Variants in CFAP251 observed in about 807,000 individuals in gnomAD.
CFAP251 encodes the protein cilia and flagella associated protein 251, also known as cilia- and flagella-associated protein 251.
CFAP251 carries 93 observed loss-of-function variants against 126.7 expected under a neutral mutation model. The observed-to-expected ratio is 0.73, with a 90% confidence interval of 0.62 to 0.87. The LOEUF (loss-of-function observed/expected upper bound fraction) is 0.87. CFAP251 is among the 40% of genes least tolerant of loss of function. The probability of loss-of-function intolerance (pLI) is 0.00; values close to 1 mark genes in which losing one functional copy is unlikely to be tolerated. For synonymous variants in CFAP251, 503 were observed against 506.9 expected, an observed-to-expected ratio of 0.99 and a Z score of 0.10; for missense variants, 1,287 against 1,389.2, an observed-to-expected ratio of 0.93 and a Z score of 1.17.
intron 5 of CFAP251, among the ~76,000 whole-genome samples, chr12:121,934,611 C>T (rs1346371101): frequency 5.3e-5 from 8 of 152,204 alleles, no homozygotes; most frequent in Admixed American, 5.2e-4. Context: ...GTCATGCTGC[C>T]TCTTCTGGGC....
chr12:121,935,824 T>A (rs1161467316), intron 5 of CFAP251, among the ~76,000 whole-genome samples: 2 of 152,200 alleles, frequency 1.3e-5, no homozygotes, highest in African/African-American at 4.8e-5. Context: ...TTGTGTTCCC[T>A]CCTTGTATCT....
intron 19 of CFAP251, among the ~76,000 whole-genome samples, chr12:121,976,160 C>G (rs1420131405): frequency 6.6e-6 from 1 of 152,042 alleles, no homozygotes; most frequent in African/African-American, 2.4e-5. Flanking sequence ...AGACACCCAC[C>G]ACCACGCCCC....
At chr12:121,924,309 C>T (rs190973489) in intron 3 of CFAP251, among the ~76,000 whole-genome samples, 11 of 151,854 alleles carry the variant, frequency 7.2e-5, no homozygotes, top group African/African-American at 2.7e-4. Context: ...GGCGTCTCGC[C>T]ACGCCATGTT....
At chr12:121,986,502 C>T (rs1882751091) in intron 19 of CFAP251, among the ~76,000 whole-genome samples, 1 of 149,074 alleles carries the variant, frequency 6.7e-6, no homozygotes, top group South Asian at 2.1e-4. Flanking sequence ...GGGGTTTCAC[C>T]GTCTCTACAG....
chr12:122,002,350 C>T (rs183091350), intron 21 of CFAP251, among the ~76,000 whole-genome samples: 143 of 152,152 alleles, frequency 9.4e-4, no homozygotes, highest in Middle Eastern at 3.4e-3. Context: ...AGCAAAACTC[C>T]GTCTCTAAAT....
intron 3 of CFAP251, 144 bp downstream of exon 3, chr12:121,924,134 C>T (rs1350878164): frequency 3.6e-6 from 4 of 1,113,410 alleles, no homozygotes; most frequent in Non-Finnish European, 4.9e-6. Flanking sequence ...TTTTTTAAGA[C>T]AGTCTTGCTT....
At chr12:121,938,250 G>A (rs771484202) in intron 5 of CFAP251, among the ~76,000 whole-genome samples, 3 of 151,398 alleles carry the variant, frequency 2.0e-5, no homozygotes, top group African/African-American at 4.9e-5. Flanking sequence ...CAAGTGATCC[G>A]TCTGCCTTGG....
chr12:121,921,643 A>T lies in CFAP251; in HGVS notation c.338A>T (p.Gln113Leu), dbSNP rs1394610688. The change falls in exon 2 of 22, where the codon CAG (glutamine) becomes CTG (leucine). Residue 113 changes from glutamine (Q) to leucine (L), a missense_variant. Physicochemically the swap from Gln to Leu is moderately radical, Grantham distance 113 (BLOSUM62 -2). Coordinates refer to ENST00000288912, the MANE Select transcript of CFAP251 (RefSeq NM_144668.6). ...VTASMIRLETQITDSQSITSG... is the reference protein window; with the variant it reads ...VTASMIRLETLITDSQSITSG... ...GCGTCCATGATCCGTTTGGAGACAC[A>T]GATTACTGATTCCCAGTCAATCACA... The T allele has an allele frequency of 1.9e-6, 3 of 1,610,434 alleles. No homozygotes were observed. Among genetic ancestry groups the T allele is most frequent in the Admixed American group, 1.7e-5 (1 of 58,930 alleles).
intron 3 of CFAP251, among the ~76,000 whole-genome samples, chr12:121,930,414 G>GA (rs1344406028): frequency 1.3e-5 from 2 of 151,934 alleles, no homozygotes; most frequent in African/African-American, 4.8e-5. Flanking sequence ...TTGAACCTGG[G>GA]AGGCGGAGTG....
intron 10 of CFAP251, among the ~76,000 whole-genome samples, chr12:121,956,754 C>G (rs887431192): frequency 2.6e-5 from 4 of 152,122 alleles, no homozygotes; most frequent in African/African-American, 9.7e-5. Context: ...ACTTGGCCTC[C>G]CAAAGTGCTG....
chr12:121,940,881 A>G (rs892260319), intron 5 of CFAP251, among the ~76,000 whole-genome samples: 9 of 152,146 alleles, frequency 5.9e-5, no homozygotes, highest in African/African-American at 1.9e-4. Flanking sequence ...AGTTTTTTCA[A>G]TACATACACA....
intron 11 of CFAP251, 66 bp from the exon 12 acceptor site, chr12:121,958,206 C>G: frequency 4.4e-6 from 7 of 1,587,748 alleles, no homozygotes; most frequent in Non-Finnish European, 6.0e-6. Context: ...CAATTAGAAG[C>G]AGAATAGCTG....
chr12:121,926,692 C>G (rs1251455096), intron 3 of CFAP251, among the ~76,000 whole-genome samples: 1 of 152,152 alleles, frequency 6.6e-6, no homozygotes, highest in Non-Finnish European at 1.5e-5. Flanking sequence ...CACCTGTAAT[C>G]CCAGCACTTT....
At chr12:121,937,916 G>A (rs147728789) in intron 5 of CFAP251, among the ~76,000 whole-genome samples, 108 of 152,300 alleles carry the variant, frequency 7.1e-4, no homozygotes, top group Non-Finnish European at 2.5e-4. Context: ...AGGTTCATCC[G>A]TGGTGTGGCA....
intron 3 of CFAP251, among the ~76,000 whole-genome samples, chr12:121,928,155 T>G (rs1436244202): frequency 6.6e-6 from 1 of 152,216 alleles, no homozygotes; most frequent in African/African-American, 2.4e-5. Context: ...GTCACTAATT[T>G]GTTAAATGGC....
At chr12:122,003,467 G>C (rs949031411) in intron 21 of CFAP251, among the ~76,000 whole-genome samples, 185 bp from the exon 22 acceptor site, 8 of 152,122 alleles carry the variant, frequency 5.3e-5, no homozygotes, top group African/African-American at 1.9e-4. Context: ...CAGCTACTTG[G>C]GAGGCTGAGG....
intron 13 of CFAP251, chr12:121,959,842 A>G (rs891068730): frequency 6.6e-6 from 1 of 152,142 alleles, no homozygotes; most frequent in East Asian, 1.9e-4. Flanking sequence ...TAAAATGGGC[A>G]TTAGGCCAGG....
chr12:121,986,512 G>A (rs73415671), intron 19 of CFAP251, among the ~76,000 whole-genome samples: 1,826 of 148,682 alleles, frequency 0.012, 38 homozygotes, highest in African/African-American at 0.042. Flanking sequence ...CGTCTCTACA[G>A]TGATCAGAGG....
intron 14 of CFAP251, 80 bp downstream of exon 14, chr12:121,960,838 C>T (rs1320758092): frequency 1.5e-5 from 22 of 1,487,492 alleles, no homozygotes; most frequent in Non-Finnish European, 1.9e-5. Context: ...TTGCATAGAG[C>T]CAGGCCCACA....
Sources: allele counts gnomAD v4.1 joint callset (sites outside exome capture counted in the v4.1 genomes callset), GRCh38; gene constraint gnomAD v4.1.1; transcripts MANE v1.5; gene names NCBI Gene and HGNC (gene_info 2026-07-23, HGNC 2026-07-21).